Variants in MTFR1 observed in about 807,000 individuals in gnomAD.
MTFR1 encodes chondrocyte protein with a poly-proline region.
A neutral mutation model predicts 38.8 loss-of-function variants in MTFR1; 28 were observed. The ratio of observed to expected loss-of-function variants is 0.72; its 90% CI spans 0.53 to 0.99. The LOEUF is 0.99. Among genes scored for constraint, MTFR1 ranks in the 50% least tolerant of loss-of-function variants. MTFR1 has a pLI of 0.00. For synonymous variants in MTFR1, 145 were observed against 137.0 expected, an observed-to-expected ratio of 1.06 and a Z score of -0.41; for missense variants, 358 against 395.5, an observed-to-expected ratio of 0.91 and a Z score of 0.81.
chr8:65,650,544 G>A (rs1399147006), intron 1 of MTFR1, among the ~76,000 whole-genome samples: 2 of 152,146 alleles, frequency 1.3e-5, no homozygotes, highest in African/African-American at 2.4e-5. Flanking sequence ...GTGAGAATAT[G>A]TGAAGTTTGT....
At chr8:65,692,958 C>T (rs1196144861) in intron 3 of MTFR1, among the ~76,000 whole-genome samples, 4 of 149,132 alleles carry the variant, frequency 2.7e-5, no homozygotes, top group South Asian at 4.3e-4. Flanking sequence ...TATAGTGGCA[C>T]GATCTCGGCT....
chr8:65,713,484 A>AC (rs1491524250), downstream of MTFR1, among the ~76,000 whole-genome samples: 1,510 of 144,744 alleles, frequency 0.01, 13 homozygotes, highest in East Asian at 0.026. Flanking sequence ...ACACACACAC[A>AC]AACAAAACAA....
chr8:65,662,145 C>T (rs1354711803), intron 1 of MTFR1, among the ~76,000 whole-genome samples: 1 of 151,058 alleles, frequency 6.6e-6, no homozygotes, highest in African/African-American at 2.4e-5. Flanking sequence ...CCTCTGATGC[C>T]GAGCGGAAGC....
At chr8:65,694,146 C>A (rs942370001) in intron 4 of MTFR1, among the ~76,000 whole-genome samples, 5 of 149,984 alleles carry the variant, frequency 3.3e-5, no homozygotes, top group Non-Finnish European at 5.9e-5. Context: ...GTGATCTCGG[C>A]TCATTGCAAC....
intron 1 of MTFR1, among the ~76,000 whole-genome samples, chr8:65,667,257 CAA>C (rs1017939220): frequency 9.7e-5 from 14 of 144,930 alleles, no homozygotes; most frequent in Non-Finnish European, 1.0e-4. Context: ...GCCTGGGTGA[CAA>C]GAGTGAAACT....
chr8:65,668,630 C>T (rs1336905263), intron 1 of MTFR1, among the ~76,000 whole-genome samples: 1 of 151,452 alleles, frequency 6.6e-6, no homozygotes, highest in Non-Finnish European at 1.5e-5. Flanking sequence ...TCTCCTGCCC[C>T]AGCCTCCCAA....
At chr8:65,719,799 GC>G in intron 3 of MTFR1, 1 of 351,562 alleles carries the variant, frequency 2.8e-6, no homozygotes, top group South Asian at 3.1e-5. Context: ...AAAATACACT[GC>G]CCATCTAAAC....
chr8:65,753,846 T>G (rs1203207049), intron 3 of MTFR1, among the ~76,000 whole-genome samples: 1 of 152,198 alleles, frequency 6.6e-6, no homozygotes, highest in African/African-American at 2.4e-5. Flanking sequence ...CCTGCTGGAT[T>G]GAAACTTTTA....
chr8:65,673,016 T>C (rs552838885), intron 2 of MTFR1, among the ~76,000 whole-genome samples: 1 of 152,352 alleles, frequency 6.6e-6, no homozygotes, highest in East Asian at 1.9e-4. Flanking sequence ...ACTTTTCCTT[T>C]GCATTCACAA....
intron 3 of MTFR1, among the ~76,000 whole-genome samples, chr8:65,749,485 A>T (rs1356142515): frequency 2.6e-5 from 4 of 152,224 alleles, no homozygotes; most frequent in Non-Finnish European, 5.9e-5. Context: ...TACCAATGTA[A>T]CTTACTTTAA....
At chr8:65,744,990 G>C (rs1585860155) in intron 3 of MTFR1, among the ~76,000 whole-genome samples, 1 of 152,302 alleles carries the variant, frequency 6.6e-6, no homozygotes, top group East Asian at 1.9e-4. Context: ...TAATTCCCAT[G>C]TGTTGTGGGA....
At chr8:65,750,250 C>T (rs1401566457) in intron 3 of MTFR1, among the ~76,000 whole-genome samples, 1 of 152,152 alleles carries the variant, frequency 6.6e-6, no homozygotes, top group African/African-American at 2.4e-5. Flanking sequence ...TTAGAGCCGA[C>T]ACACTTAGAA....
At chr8:65,679,094 C>T (rs75051896) in intron 2 of MTFR1, among the ~76,000 whole-genome samples, 2,806 of 152,276 alleles carry the variant, frequency 0.018, 25 homozygotes, top group African/African-American at 0.025. Flanking sequence ...TTGTCCTCTT[C>T]ATCTCCAGAC....
At chr8:65,764,385 A>G (rs1259143018) in intron 3 of MTFR1, among the ~76,000 whole-genome samples, 2 of 152,260 alleles carry the variant, frequency 1.3e-5, no homozygotes, top group African/African-American at 4.8e-5. Context: ...TCGAGTCTGA[A>G]TGAGAGACTA....
intron 3 of MTFR1, among the ~76,000 whole-genome samples, chr8:65,743,255 A>G (rs978045359): frequency 6.6e-6 from 1 of 152,198 alleles, no homozygotes; most frequent in Non-Finnish European, 1.5e-5. Context: ...CTGAGCAAGA[A>G]GAAGGTGGGC....
chr8:65,709,050 A>G lies in MTFR1; in HGVS notation c.*6A>G. ...AAAATGTATCAGACTCCTAATAGAC[A>G]ATGAGCTGCGAAAAGACTCCTGGTT... On this transcript the variant is annotated 3_prime_UTR_variant, in exon 8 of 8. Coordinates refer to ENST00000262146, the MANE Select transcript of MTFR1 (RefSeq NM_014637.4). 6.2e-7 allele frequency: 1 copy of G among 1,613,712 alleles called. No individual in the cohort carries two copies. The highest frequency in any genetic ancestry group is 8.5e-7 in the Non-Finnish European group (1 of 1,179,668).
chr8:65,657,294 T>TA (rs1214341837), intron 1 of MTFR1, among the ~76,000 whole-genome samples: 1 of 152,234 alleles, frequency 6.6e-6, no homozygotes, highest in African/African-American at 2.4e-5. Context: ...ATTACAGGCA[T>TA]AAGCAACTGC....
chr8:65,676,126 T>A (rs997293121), intron 2 of MTFR1, among the ~76,000 whole-genome samples: 1 of 152,180 alleles, frequency 6.6e-6, no homozygotes, highest in African/African-American at 2.4e-5. Flanking sequence ...CAGAATTTCA[T>A]CTTCCCATTT....
Position 65,682,393 on chromosome 8 carries a change from T to G in MTFR1, c.107T>G (p.Ile36Ser), listed in dbSNP as rs892562952. ...SRKPYGSSRS[I>S]VRKIGTNLSL... ...AAGCCATATGGTTCGTCTCGAAGTA[T>G]CGTAAGGAAAATTGGTACTAATTTG... The change falls in exon 3 of 8, where the codon ATC becomes AGC. Residue 36 changes from isoleucine to serine, a missense_variant. By Grantham distance (142) the Ile-to-Ser change is moderately radical. Coordinates refer to ENST00000262146, the MANE Select transcript of MTFR1 (RefSeq NM_014637.4). 1 of 1,573,122 alleles carries G rather than the reference T, an allele frequency of 6.4e-7. No homozygotes were observed. The highest frequency in any genetic ancestry group is 8.6e-7 in the Non-Finnish European group (1 of 1,159,078).
Sources: allele counts gnomAD v4.1 joint callset (sites outside exome capture counted in the v4.1 genomes callset), GRCh38; gene constraint gnomAD v4.1.1; transcripts MANE v1.5; gene names NCBI Gene and HGNC (gene_info 2026-07-23, HGNC 2026-07-21).